The following TEX11 variants were observed in gnomAD, a reference collection of about 807,000 sequenced individuals.
TEX11 encodes testis expressed 11.
Under a neutral mutation model 84.4 loss-of-function variants are expected in TEX11, and 7 were observed. That is an observed-to-expected ratio of 0.08 (90% confidence interval 0.05 to 0.16). The LOEUF is 0.16. Among genes scored for constraint, TEX11 ranks in the 10% least tolerant of loss-of-function variants. The pLI, the probability that TEX11 is intolerant of heterozygous loss-of-function variation, is 1.00. For missense variants in TEX11, 551 were observed against 660.5 expected, an observed-to-expected ratio of 0.83 and a Z score of 1.82; for synonymous variants, 264 against 222.8, an observed-to-expected ratio of 1.18 and a Z score of -1.64.
intron 16 of TEX11, among the ~76,000 whole-genome samples, chrX:70,660,948 C>T (rs767103139): frequency 3.6e-5 from 4 of 111,866 alleles, no homozygotes; most frequent in South Asian, 3.8e-4. Flanking sequence ...CCAGTGTGAG[C>T]GACACAGAAG....
At chrX:70,713,652 T>A (rs1442460733) in intron 13 of TEX11, among the ~76,000 whole-genome samples, 1 of 111,643 alleles carries the variant, frequency 9.0e-6, no homozygotes, top group African/African-American at 3.3e-5. Flanking sequence ...CTTTATCATT[T>A]TTTATTGCGT....
At chrX:70,722,464 G>A (rs2090567324) in intron 13 of TEX11, among the ~76,000 whole-genome samples, 154 bp downstream of exon 13, 1 of 109,406 alleles carries the variant, frequency 9.1e-6, no homozygotes, top group South Asian at 4.1e-4. Context: ...TTGTAGAGAT[G>A]GGGTCTTGCT....
At chrX:70,670,315 T>C (rs937912693) in intron 16 of TEX11, 62 bp downstream of exon 16, 15 of 1,128,519 alleles carry the variant, frequency 1.3e-5, no homozygotes, top group Non-Finnish European at 1.8e-5. Flanking sequence ...GCATGGCATC[T>C]ATCTCTCTGC....
chrX:70,854,907 G>A (rs774677230), intron 5 of TEX11, among the ~76,000 whole-genome samples: 103 of 108,739 alleles, frequency 9.5e-4, no homozygotes, highest in Non-Finnish European at 1.6e-3. Context: ...AATTAGCTGG[G>A]CATGGTGGTG....
the TEX11 span, among the ~76,000 whole-genome samples, chrX:70,522,382 CATTA>C: frequency 5.4e-5 from 6 of 112,110 alleles, no homozygotes; most frequent in Admixed American, 2.8e-4. Context: ...AGTGGGTATG[CATTA>C]ATTGTTAGTT....
intron 8 of TEX11, among the ~76,000 whole-genome samples, chrX:70,824,513 C>T (rs2091334598): frequency 9.0e-6 from 1 of 111,058 alleles, no homozygotes; most frequent in African/African-American, 3.3e-5. Flanking sequence ...AGCAGTAGTT[C>T]CCACAGGATG....
chrX:70,895,162 G>C (rs2091760202), intron 2 of TEX11, among the ~76,000 whole-genome samples: 1 of 111,464 alleles, frequency 9.0e-6, no homozygotes, highest in African/African-American at 3.3e-5. Context: ...TACTCCTTAA[G>C]GTGATAAGCA....
chrX:70,633,737 G>C (rs2089537264), intron 17 of TEX11, among the ~76,000 whole-genome samples: 1 of 111,218 alleles, frequency 9.0e-6, no homozygotes, highest in Admixed American at 9.6e-5. Flanking sequence ...GGCCAACGTG[G>C]TGAAACCCCA....
At chrX:70,755,837 T>C (rs1682173495) in intron 9 of TEX11, among the ~76,000 whole-genome samples, 1 of 112,349 alleles carries the variant, frequency 8.9e-6, no homozygotes, top group African/African-American at 3.2e-5. Context: ...TTTCCTTTCC[T>C]AGCCAAGGGA....
intron 25 of TEX11, among the ~76,000 whole-genome samples, chrX:70,585,342 G>GAT (rs2088839367): frequency 8.9e-6 from 1 of 112,100 alleles, no homozygotes; most frequent in Middle Eastern, 4.2e-3. Context: ...ATAACACACT[G>GAT]ATGAAAGACA....
intron 25 of TEX11, among the ~76,000 whole-genome samples, chrX:70,583,653 T>C (rs1303930155): frequency 1.8e-5 from 2 of 111,895 alleles, no homozygotes; most frequent in African/African-American, 6.5e-5. Context: ...GATTGAAAAG[T>C]CATCAGAAAA....
Position 70,722,624 on chromosome X carries a change from T to C in TEX11, c.998A>G (p.His333Arg). ...CLNIAKLLMD[H>R]ERESVGFHFL... Reference sequence around the variant, plus strand: ...AGGGAAATCAATTCTGTACCTTTCATGATCCATCAGCAGTTTAGCAATGTT... The same window carrying C: ...AGGGAAATCAATTCTGTACCTTTCACGATCCATCAGCAGTTTAGCAATGTT... Residue 333 changes from histidine (H) to arginine (R), a missense_variant, in exon 13 of 30, where the codon CAT becomes CGT. Coordinates refer to ENST00000374333, the MANE Select transcript of TEX11 (RefSeq NM_031276.3). 11 of 1,205,300 alleles carry C rather than the reference T, an allele frequency of 9.1e-6. No individual in the cohort carries two copies. Among genetic ancestry groups the C allele is most frequent in the Non-Finnish European group, 1.2e-5 (11 of 890,362 alleles).
At chrX:70,648,931 T>C (rs751663894) in intron 17 of TEX11, among the ~76,000 whole-genome samples, 87 of 109,256 alleles carry the variant, frequency 8.0e-4, no homozygotes, top group Non-Finnish European at 1.3e-3. Context: ...TGTGTTCTCA[T>C]TGTTCATCTC....
intron 13 of TEX11, among the ~76,000 whole-genome samples, chrX:70,694,233 C>T (rs1293073675): frequency 9.0e-6 from 1 of 110,872 alleles, no homozygotes; most frequent in African/African-American, 3.3e-5. Flanking sequence ...TTAGTACAGA[C>T]GAGGTTTCAC....
chrX:70,656,109 C>CTG (rs773877010), intron 16 of TEX11, among the ~76,000 whole-genome samples: 57 of 66,193 alleles, frequency 8.6e-4, no homozygotes, highest in Admixed American at 3.5e-3. Context: ...GCAAAGGTAG[C>CTG]TGTGTATATA....
chrX:70,846,712 C>T lies in TEX11; in HGVS notation c.525+6322G>A, dbSNP rs191287675. 7.5e-3 allele frequency among the ~76,000 whole-genome samples: 839 copies of T among 111,505 alleles called. 25 individuals are homozygous for T. In the East Asian group the frequency reaches 0.12, roughly 15 times the overall value. ...GCCAAGGTGGGTGGATTGCTTGAGG[C>T]GAGGAGTTCAAGGCCAGCCTGGCCA... On this transcript the variant is annotated intron_variant, in intron 7 of 29. Coordinates refer to ENST00000374333, the MANE Select transcript of TEX11 (RefSeq NM_031276.3).
At chrX:70,660,958 G>A (rs1392459167) in intron 16 of TEX11, among the ~76,000 whole-genome samples, 4 of 112,131 alleles carry the variant, frequency 3.6e-5, no homozygotes, top group African/African-American at 9.7e-5. Flanking sequence ...CGACACAGAA[G>A]ACAAATGATT....
intron 4 of TEX11, among the ~76,000 whole-genome samples, chrX:70,869,112 T>TAAAAC (rs1484114956): frequency 0.021 from 1,609 of 77,903 alleles, 38 homozygotes; most frequent in African/African-American, 0.046. Flanking sequence ...TAAAATAAAA[T>TAAAAC]AAAACAAAAT....
At chrX:70,670,783 C>T (rs1169213651) in intron 15 of TEX11, among the ~76,000 whole-genome samples, 5 of 111,302 alleles carry the variant, frequency 4.5e-5, no homozygotes, top group Non-Finnish European at 3.8e-5. Flanking sequence ...GTAAACCACC[C>T]CAGAAAACTT....
Sources: allele counts gnomAD v4.1 joint callset (sites outside exome capture counted in the v4.1 genomes callset), GRCh38; gene constraint gnomAD v4.1.1; transcripts MANE v1.5; gene names NCBI Gene and HGNC (gene_info 2026-07-23, HGNC 2026-07-21).